EPB41L4B: variants seen among roughly 807,000 people sequenced by gnomAD.
The protein encoded by EPB41L4B is erythrocyte membrane protein band 4.1 like 4B.
EPB41L4B carries 30 observed loss-of-function variants against 112.5 expected under a neutral mutation model. The observed-to-expected ratio is 0.27, with a 90% CI of 0.20 to 0.36. EPB41L4B has a LOEUF of 0.36. Among genes scored for constraint, EPB41L4B ranks in the 10% least tolerant of loss-of-function variants. The pLI is 1.00. For missense variants in EPB41L4B, 1,024 were observed against 1,133.3 expected, an observed-to-expected ratio of 0.90 and a Z score of 1.38; for synonymous variants, 408 against 439.7, an observed-to-expected ratio of 0.93 and a Z score of 0.90.
intron 24 of EPB41L4B, among the ~76,000 whole-genome samples, chr9:109,176,956 G>A (rs1831866877): frequency 6.6e-6 from 1 of 152,160 alleles, no homozygotes. Context: ...CACCATTTTT[G>A]CATTTGCCAA....
Position 109,258,169 on chromosome 9 carries a change from C to A in EPB41L4B, c.752+8G>T. 6.2e-7 allele frequency: 1 copy of A among 1,609,678 alleles called. No individual in the cohort carries two copies. Among genetic ancestry groups the A allele is most frequent in the South Asian group, 1.1e-5 (1 of 90,702 alleles). Reference sequence around the variant, plus strand: ...ACATCAGAATGCTAGACGGTTGCATCAAGGTACCTGCACTCTTTCCATCTC... The same window carrying A: ...ACATCAGAATGCTAGACGGTTGCATAAAGGTACCTGCACTCTTTCCATCTC... On this transcript the variant is annotated splice_region_variant and intron_variant, in intron 7 of 25. Coordinates refer to ENST00000374566, the MANE Select transcript of EPB41L4B (RefSeq NM_019114.5).
At chr9:109,317,738 C>T (rs1282732425) in intron 1 of EPB41L4B, among the ~76,000 whole-genome samples, 5 of 152,136 alleles carry the variant, frequency 3.3e-5, no homozygotes, top group South Asian at 2.1e-4. Flanking sequence ...TGGGGTATCA[C>T]GGTCAAAGGT....
At chr9:109,231,504 A>AT (rs1333229674) in intron 15 of EPB41L4B, among the ~76,000 whole-genome samples, 1 of 152,190 alleles carries the variant, frequency 6.6e-6, no homozygotes, top group African/African-American at 2.4e-5. Context: ...TAAAAGTTGC[A>AT]CTTTTGACAT....
chr9:109,277,505 A>T (rs561498517), intron 2 of EPB41L4B, among the ~76,000 whole-genome samples: 52 of 152,206 alleles, frequency 3.4e-4, no homozygotes, highest in African/African-American at 1.3e-3. Flanking sequence ...CCAAGAGTCA[A>T]TCTGGGGCTA....
At chr9:109,265,181 C>T (rs1043413587) in intron 4 of EPB41L4B, among the ~76,000 whole-genome samples, 157 bp from the exon 5 acceptor site, 2 of 152,216 alleles carry the variant, frequency 1.3e-5, no homozygotes, top group Non-Finnish European at 2.9e-5. Flanking sequence ...GAAGCATCTC[C>T]TCTTGGGTCT....
intron 2 of EPB41L4B, among the ~76,000 whole-genome samples, chr9:109,274,249 T>C (rs1835731686): frequency 6.6e-6 from 1 of 152,090 alleles, no homozygotes; most frequent in Non-Finnish European, 1.5e-5. Context: ...AGTGGCCACA[T>C]CTACCCTCCA....
chr9:109,301,013 C>T (rs1836943888), intron 1 of EPB41L4B: 1 of 152,200 alleles, frequency 6.6e-6, no homozygotes. Context: ...TACTCATAGC[C>T]ACCATAGCCC....
chr9:109,190,804 A>C (rs1355205662), intron 22 of EPB41L4B, among the ~76,000 whole-genome samples: 6 of 152,226 alleles, frequency 3.9e-5, no homozygotes, highest in Admixed American at 2.0e-4. Flanking sequence ...GGACTGGATG[A>C]GATGGTCCCA....
intron 15 of EPB41L4B, among the ~76,000 whole-genome samples, chr9:109,223,744 C>G (rs1833669603): frequency 6.6e-6 from 1 of 152,144 alleles, no homozygotes; most frequent in Non-Finnish European, 1.5e-5. Context: ...GGAGGCCGGG[C>G]ACGGTGGGTC....
intron 17 of EPB41L4B, among the ~76,000 whole-genome samples, chr9:109,209,696 C>G (rs1833097734): frequency 1.3e-5 from 2 of 152,044 alleles, no homozygotes; most frequent in Non-Finnish European, 2.9e-5. Context: ...GTGCCAGTGG[C>G]TAACATATAC....
intron 15 of EPB41L4B, among the ~76,000 whole-genome samples, chr9:109,227,415 G>T (rs937254431): frequency 5.9e-5 from 9 of 152,192 alleles, no homozygotes; most frequent in Middle Eastern, 6.8e-3. Context: ...TAATTTGAAA[G>T]AATATATTCG....
chr9:109,265,089 T>TCCCACTGCAAACCCCACCCC, intron 4 of EPB41L4B, 65 bp from the exon 5 acceptor site: 1 of 1,386,380 alleles, frequency 7.2e-7, no homozygotes, highest in Non-Finnish European at 1.0e-6. Flanking sequence ...ATCCCCAGCT[T>TCCCACTGCAAACCCCACCCC]CCCACTGCAA....
chr9:109,174,503 G>C lies in EPB41L4B; in HGVS notation c.*51C>G, dbSNP rs1158948490. 1 of 1,529,202 alleles carries C rather than the reference G, an allele frequency of 6.5e-7. No homozygotes were observed. The highest frequency in any genetic ancestry group is 9.1e-7 in the Non-Finnish European group (1 of 1,102,652). 94.7% of individuals were successfully genotyped at this position (1,529,202 alleles called of 1,614,324 possible). Reference sequence around the variant, plus strand: ...AGTGAGCACACAAAGCCCGAAGAAAGAAGACGGACAGAAGGCACCATGCCA... The same window carrying C: ...AGTGAGCACACAAAGCCCGAAGAAACAAGACGGACAGAAGGCACCATGCCA... On this transcript the variant is annotated 3_prime_UTR_variant, in exon 26 of 26. Coordinates refer to ENST00000374566, the MANE Select transcript of EPB41L4B (RefSeq NM_019114.5).
intron 18 of EPB41L4B, 94 bp from the exon 19 acceptor site, chr9:109,203,824 T>C: frequency 1.9e-6 from 2 of 1,034,038 alleles, no homozygotes; most frequent in Non-Finnish European, 3.0e-6. Context: ...TTATAGAAAT[T>C]GGCAAGTGGA....
intron 17 of EPB41L4B, among the ~76,000 whole-genome samples, chr9:109,212,651 C>G (rs1257583017): frequency 2.0e-5 from 3 of 152,152 alleles, no homozygotes; most frequent in Non-Finnish European, 4.4e-5. Flanking sequence ...TTCCTATTCC[C>G]TCTCATAAAG....
intron 6 of EPB41L4B, among the ~76,000 whole-genome samples, chr9:109,262,468 T>TGG (rs1251370336): frequency 1.3e-5 from 2 of 151,618 alleles, no homozygotes; most frequent in African/African-American, 2.4e-5. Flanking sequence ...TGTGTGTGTG[T>TGG]GTGTGTGTGT....
At position 109,255,523 on chromosome 9, in the gene EPB41L4B, C is replaced by G; in HGVS notation, c.1157G>C (p.Arg386Pro). ...AATGGCTCCCTACCTGAATCTGAAG[C>G]GAGAGCCCAGCCTGATAAAGTCGGA... The part of the protein sequence containing the change: ...NRSDFIRLGS[R>P]FRFSGRTEYQ... Residue 386 changes from arginine (R) to proline (P), a missense_variant, in exon 11 of 26, where the codon CGC (arginine) becomes CCC (proline). Coordinates refer to ENST00000374566, the MANE Select transcript of EPB41L4B (RefSeq NM_019114.5). 6.2e-7 allele frequency: 1 copy of G among 1,614,056 alleles called. No individual in the cohort carries two copies. Among genetic ancestry groups the G allele is most frequent in the Non-Finnish European group, 8.5e-7 (1 of 1,179,930 alleles).
intron 1 of EPB41L4B, among the ~76,000 whole-genome samples, chr9:109,296,406 T>A (rs1407191059): frequency 6.6e-6 from 1 of 152,210 alleles, no homozygotes; most frequent in African/African-American, 2.4e-5. Flanking sequence ...AGGTGAGAGT[T>A]TGAATCCTAA....
intron 1 of EPB41L4B, among the ~76,000 whole-genome samples, chr9:109,316,092 T>G (rs1837624218): frequency 6.6e-6 from 1 of 152,156 alleles, no homozygotes; most frequent in Non-Finnish European, 1.5e-5. Flanking sequence ...ACATCCCCAT[T>G]TGAAAGATCA....
Sources: gnomAD v4.1 joint callset for allele counts (sites outside exome capture counted in the v4.1 genomes callset) on GRCh38, gnomAD v4.1.1 for gene constraint, MANE v1.5 for transcripts, NCBI Gene and HGNC (gene_info 2026-07-23, HGNC 2026-07-21) for gene names.